The following EIPR1 variants were observed in gnomAD, a reference collection of about 807,000 sequenced individuals.
EIPR1 encodes EARP complex and GARP complex interacting protein 1.
EIPR1 carries 25 observed loss-of-function variants against 48.1 expected under a neutral mutation model. The ratio of observed to expected loss-of-function variants is 0.52; its 90% CI spans 0.38 to 0.73. The LOEUF (loss-of-function observed/expected upper bound fraction) is 0.73. Ranked by LOEUF, EIPR1 falls within the 30% of genes least tolerant of loss-of-function variation. The pLI is 0.00. For missense variants in EIPR1, 415 were observed against 506.2 expected (o/e 0.82, Z 1.73); for synonymous variants, 204 against 201.9 (o/e 1.01, Z -0.09).
At chr2:3,278,975 G>A (rs1322502095) in intron 3 of EIPR1, among the ~76,000 whole-genome samples, 6 of 152,226 alleles carry the variant, frequency 3.9e-5, no homozygotes, top group African/African-American at 1.4e-4. Flanking sequence ...TGAGTACATC[G>A]AACCATTTTT....
intron 6 of EIPR1, 56 bp from the exon 7 acceptor site, chr2:3,194,222 C>T: frequency 6.3e-7 from 1 of 1,594,062 alleles, no homozygotes; most frequent in Middle Eastern, 1.7e-4. Flanking sequence ...GGAAAAGCCA[C>T]TGCGTGCTGC....
intron 1 of EIPR1, among the ~76,000 whole-genome samples, chr2:3,365,562 T>C (rs920038626): frequency 6.7e-6 from 1 of 149,530 alleles, no homozygotes; most frequent in East Asian, 2.0e-4. Context: ...CATAGGACAA[T>C]AGTGGAGGGA....
intron 3 of EIPR1, among the ~76,000 whole-genome samples, chr2:3,279,409 G>A (rs771962659): frequency 2.6e-5 from 4 of 152,310 alleles, no homozygotes; most frequent in East Asian, 1.9e-4. Context: ...GCGAGGTAGC[G>A]TAGGATACAG....
chr2:3,210,773 G>T (rs1665421217), intron 5 of EIPR1, among the ~76,000 whole-genome samples: 1 of 152,010 alleles, frequency 6.6e-6, no homozygotes, highest in South Asian at 2.1e-4. Context: ...TGAGATTACA[G>T]GCACGTGCCA....
At position 3,274,135 on chromosome 2, in the gene EIPR1, A is replaced by T. The variant is rs537505836; in HGVS notation, c.260-16680T>A. ...GACACAGCAGAGACTGCAGCGTGGG[A>T]ATGTGGGAGATAGACTGAGAGGGTC... On this transcript the variant is annotated intron_variant, in intron 3 of 8. Transcript: ENST00000382125. Among the ~76,000 whole-genome samples, 25 of 152,298 alleles carry T rather than the reference A, an allele frequency of 1.6e-4. 1 individual carries two copies. In the South Asian group the frequency reaches 1.9e-3, roughly 11 times the overall value.
intron 1 of EIPR1, among the ~76,000 whole-genome samples, chr2:3,357,445 G>A (rs1670756263): frequency 6.6e-6 from 1 of 152,170 alleles, no homozygotes; most frequent in Non-Finnish European, 1.5e-5. Flanking sequence ...TTGAGTCCTT[G>A]TGGATGAAAC....
rs1479139475 is a variant in EIPR1 at position 3,354,642 on chromosome 2, G to A, written c.43-9C>T. The A allele has an allele frequency of 6.2e-7, 1 of 1,613,670 alleles. No individual in the cohort carries two copies. The highest frequency in any genetic ancestry group is 1.1e-5 in the South Asian group (1 of 91,006). On this transcript the variant is annotated splice_polypyrimidine_tract_variant and intron_variant, in intron 1 of 8. Transcript: ENST00000382125. Reference sequence around the variant, plus strand: ...GGTGTTAAGGCACGTGCCTGCAGGAGGGAAGAAAAACACATGCACATTTAT... The same window carrying A: ...GGTGTTAAGGCACGTGCCTGCAGGAAGGAAGAAAAACACATGCACATTTAT...
intron 3 of EIPR1, among the ~76,000 whole-genome samples, chr2:3,323,878 G>A (rs1157558865): frequency 6.6e-6 from 1 of 152,210 alleles, no homozygotes; most frequent in African/African-American, 2.4e-5. Flanking sequence ...GGCAGCACTG[G>A]GCCCTGCTGG....
chr2:3,313,851 G>C (rs891433587), intron 3 of EIPR1, among the ~76,000 whole-genome samples: 12 of 152,208 alleles, frequency 7.9e-5, no homozygotes, highest in African/African-American at 2.9e-4. Flanking sequence ...GGATCAGGGA[G>C]GGCGAGGAAG....
chr2:3,235,492 T>A (rs1301192352), intron 4 of EIPR1, among the ~76,000 whole-genome samples: 3 of 151,692 alleles, frequency 2.0e-5, no homozygotes, highest in Non-Finnish European at 4.4e-5. Context: ...CTCAGCGACT[T>A]CCCAAGGTGA....
chr2:3,344,852 A>G (rs988129362), intron 2 of EIPR1, among the ~76,000 whole-genome samples: 3 of 152,008 alleles, frequency 2.0e-5, no homozygotes, highest in African/African-American at 7.2e-5. Context: ...CATATTGGCC[A>G]GGCCAGGCCC....
At chr2:3,233,786 C>T (rs1450160357) in intron 4 of EIPR1, among the ~76,000 whole-genome samples, 1 of 152,180 alleles carries the variant, frequency 6.6e-6, no homozygotes, top group East Asian at 1.9e-4. Flanking sequence ...GGTAAAATGT[C>T]CAGTGAGCTG....
At chr2:3,377,181 G>A (rs373080990) in intron 1 of EIPR1, 1 of 157,212 alleles carries the variant, frequency 6.4e-6, no homozygotes, top group Non-Finnish European at 1.4e-5. Flanking sequence ...ATAAATGTAC[G>A]ATGGTTATGT....
chr2:3,279,156 T>C (rs1210764579), intron 3 of EIPR1, among the ~76,000 whole-genome samples: 1 of 152,160 alleles, frequency 6.6e-6, no homozygotes, highest in Admixed American at 6.5e-5. Context: ...ATCAGCATTA[T>C]ACACCTCGCA....
At chr2:3,245,812 T>C (rs1344004348) in intron 4 of EIPR1, among the ~76,000 whole-genome samples, 1 of 152,144 alleles carries the variant, frequency 6.6e-6, no homozygotes, top group African/African-American at 2.4e-5. Context: ...GTAATCTCAG[T>C]GTTTGGGAGG....
chr2:3,229,390 C>T (rs926185888), intron 4 of EIPR1, among the ~76,000 whole-genome samples: 6 of 152,200 alleles, frequency 3.9e-5, no homozygotes, highest in Non-Finnish European at 5.9e-5. Context: ...GGTGTCTTTC[C>T]AGGGCAATAA....
chr2:3,303,309 G>C (rs1382860755), intron 3 of EIPR1, among the ~76,000 whole-genome samples: 1 of 152,220 alleles, frequency 6.6e-6, no homozygotes, highest in Non-Finnish European at 1.5e-5. Context: ...GCCTCTGGGG[G>C]CCAAGCTCGG....
At position 3,257,340 on chromosome 2, in the gene EIPR1, C is replaced by A. The variant is rs1667190067; in HGVS notation, c.375G>T (p.Leu125=). Residue 125 remains leucine (L), a synonymous_variant, in exon 4 of 9, where the codon CTG becomes CTT. Coordinates refer to ENST00000382125, the MANE Select transcript of EIPR1 (RefSeq NM_003310.5). The stretch of plus-strand genomic sequence containing the variant: ...GGGCTGTGTTGTCAAGGTGACAGAG[C>A]AGCTCCAGGGTCTGTGCAGTGCTGG... The part of the protein sequence containing the change: ...DSSSTAQTLE[L]LCHLDNTAHG... 6.2e-7 allele frequency: 1 copy of A among 1,614,106 alleles called. No homozygotes were observed. Among genetic ancestry groups the A allele is most frequent in the Non-Finnish European group, 8.5e-7 (1 of 1,179,990 alleles).
At chr2:3,369,266 G>A (rs1243287527) in intron 1 of EIPR1, among the ~76,000 whole-genome samples, 10 of 152,208 alleles carry the variant, frequency 6.6e-5, no homozygotes, top group South Asian at 2.1e-4. Context: ...CAAGATGGCC[G>A]ACTAGGAACA....
Sources: allele counts gnomAD v4.1 joint callset (sites outside exome capture counted in the v4.1 genomes callset), GRCh38; gene constraint gnomAD v4.1.1; transcripts MANE v1.5; gene names NCBI Gene and HGNC (gene_info 2026-07-23, HGNC 2026-07-21).